THSD7B: variants seen among roughly 807,000 people sequenced by gnomAD.
The protein encoded by THSD7B is thrombospondin type-1 domain-containing protein 7B.
In THSD7B, 138 loss-of-function variants were observed where a neutral mutation model predicts 213.6. The ratio of observed to expected loss-of-function variants is 0.65; its 90% CI spans 0.56 to 0.74. The LOEUF (loss-of-function observed/expected upper bound fraction) is 0.74, where lower values mean the gene tolerates loss of function less well. Ranked by LOEUF, THSD7B falls within the 30% of genes least tolerant of loss-of-function variation. The pLI, the probability that THSD7B is intolerant of heterozygous loss-of-function variation, is 0.00. For missense variants in THSD7B, 1,931 were observed against 1,991.5 expected, an observed-to-expected ratio of 0.97 and a Z score of 0.58; for synonymous variants, 742 against 687.0, an observed-to-expected ratio of 1.08 and a Z score of -1.25.
intron 2 of THSD7B, among the ~76,000 whole-genome samples, chr2:137,025,712 C>T (rs1440973854): frequency 1.3e-5 from 2 of 152,052 alleles, no homozygotes; most frequent in African/African-American, 4.8e-5. Flanking sequence ...ATATTTAGCT[C>T]AGGACTGATA....
At chr2:137,445,647 T>A (rs1687521370) in intron 14 of THSD7B, among the ~76,000 whole-genome samples, 1 of 151,864 alleles carries the variant, frequency 6.6e-6, no homozygotes, top group Non-Finnish European at 1.5e-5. Flanking sequence ...ACAGGTTGAT[T>A]AATGGGTACA....
chr2:137,095,721 T>C (rs1688028216), intron 4 of THSD7B, among the ~76,000 whole-genome samples: 2 of 152,084 alleles, frequency 1.3e-5, no homozygotes, highest in South Asian at 4.1e-4. Context: ...TTTTTTGAGA[T>C]AAAAACTCTT....
intron 14 of THSD7B, among the ~76,000 whole-genome samples, chr2:137,447,991 T>A (rs1191846459): frequency 6.6e-6 from 1 of 151,880 alleles, no homozygotes; most frequent in Non-Finnish European, 1.5e-5. Context: ...ACTGAAGGAG[T>A]CTCATCCATT....
chr2:137,599,478 A>G (rs866232485), intron 17 of THSD7B, among the ~76,000 whole-genome samples: 1 of 151,762 alleles, frequency 6.6e-6, no homozygotes, highest in African/African-American at 2.4e-5. Context: ...TTAAAAAGTC[A>G]GGAAACAACA....
At chr2:137,559,796 A>C (rs1021475508) in intron 15 of THSD7B, among the ~76,000 whole-genome samples, 2 of 152,174 alleles carry the variant, frequency 1.3e-5, no homozygotes, top group Non-Finnish European at 2.9e-5. Flanking sequence ...AATGGGAGAA[A>C]ATTTTTGCAA....
chr2:137,234,787 T>C (rs961168003), intron 9 of THSD7B, among the ~76,000 whole-genome samples: 4 of 152,152 alleles, frequency 2.6e-5, no homozygotes, highest in Admixed American at 1.3e-4. Flanking sequence ...TATGTTTATC[T>C]TTTGCTTCAA....
rs1484640175 is a variant in THSD7B at position 137,663,503 on chromosome 2, G to T, written c.4579G>T (p.Gly1527Trp). ...DKKADVKNLS[G>W]KNRPVNSKIH... ...AAAAGCTGATGTGAAAAACCTTTCT[G>T]GGAAAAACAGACCTGTGAATTCAAA... The change falls in exon 26 of 28, where the codon GGG (glycine) becomes TGG (tryptophan). Residue 1527 changes from glycine to tryptophan, a missense_variant. Physicochemically the swap from Gly to Trp is radical, Grantham distance 184. Transcript: ENST00000409968. 1.2e-6 allele frequency: 2 copies of T among 1,606,526 alleles called. No individual in the cohort carries two copies. The highest frequency in any genetic ancestry group is 1.7e-6 in the Non-Finnish European group (2 of 1,176,020).
chr2:137,283,013 G>A (rs538561710), intron 12 of THSD7B, among the ~76,000 whole-genome samples: 12 of 152,176 alleles, frequency 7.9e-5, no homozygotes, highest in East Asian at 1.9e-4. Context: ...CCATTTTCAC[G>A]ATAATTGATT....
intron 7 of THSD7B, among the ~76,000 whole-genome samples, chr2:137,185,903 T>C (rs1234628198): frequency 1.3e-5 from 2 of 152,198 alleles, no homozygotes; most frequent in African/African-American, 4.8e-5. Flanking sequence ...CCAGCATCTG[T>C]TGTTTTTTGA....
chr2:137,501,607 C>G (rs1679707631), intron 15 of THSD7B, among the ~76,000 whole-genome samples: 1 of 152,146 alleles, frequency 6.6e-6, no homozygotes, highest in South Asian at 2.1e-4. Flanking sequence ...AGGAACCTTA[C>G]CTTAAAGTAG....
chr2:137,468,398 A>G (rs551673330), intron 15 of THSD7B, among the ~76,000 whole-genome samples: 3 of 152,116 alleles, frequency 2.0e-5, no homozygotes, highest in South Asian at 2.1e-4. Context: ...TAGTATGTAC[A>G]TACCCATCTA....
At chr2:137,592,801 C>T (rs1681890350) in intron 17 of THSD7B, among the ~76,000 whole-genome samples, 3 of 151,918 alleles carry the variant, frequency 2.0e-5, no homozygotes, top group Non-Finnish European at 4.4e-5. Context: ...AACCACTAAA[C>T]ACAAAAATAT....
chr2:137,606,206 G>C (rs1040161115), intron 17 of THSD7B, among the ~76,000 whole-genome samples: 1 of 152,122 alleles, frequency 6.6e-6, no homozygotes, highest in Non-Finnish European at 1.5e-5. Context: ...GCAAAGTGGC[G>C]TAGGAGAGTG....
rs572396721 is a variant in THSD7B at position 137,311,442 on chromosome 2, C to T, written c.2500+35416C>T. On this transcript the variant is annotated intron_variant, in intron 12 of 27. Transcript: ENST00000409968. The stretch of plus-strand genomic sequence containing the variant: ...GGGTTTTCTAGTTATACAATCATGT[C>T]GTCTGCAGACAGGGACAATTTGACT... Among the ~76,000 whole-genome samples the T allele has an allele frequency of 7.8e-4, 118 of 152,212 alleles. 1 individual carries two copies. Among genetic ancestry groups the T allele is most frequent in the African/African-American group, 2.7e-3 (113 of 41,560 alleles).
At chr2:136,777,865 T>G (rs1333145974) in intron 1 of THSD7B, among the ~76,000 whole-genome samples, 1 of 152,162 alleles carries the variant, frequency 6.6e-6, no homozygotes, top group African/African-American at 2.4e-5. Flanking sequence ...AGAAACCCTG[T>G]TAACTCTGCA....
At chr2:137,478,913 G>A (rs1478912314) in intron 15 of THSD7B, among the ~76,000 whole-genome samples, 4 of 152,216 alleles carry the variant, frequency 2.6e-5, no homozygotes, top group African/African-American at 9.7e-5. Flanking sequence ...TGACAGGGAT[G>A]TCAAGTAGGC....
chr2:137,389,648 C>A (rs1337401692), intron 12 of THSD7B, among the ~76,000 whole-genome samples: 1 of 151,300 alleles, frequency 6.6e-6, no homozygotes, highest in Non-Finnish European at 1.5e-5. Context: ...TTTGCCTAGA[C>A]CAATGTCCAG....
intron 2 of THSD7B, among the ~76,000 whole-genome samples, chr2:136,897,198 G>C (rs1199649308): frequency 6.6e-6 from 1 of 152,146 alleles, no homozygotes; most frequent in African/African-American, 2.4e-5. Context: ...TTCTCTTAAT[G>C]TGTCCGTAAC....
chr2:136,774,539 A>G (rs945025450), intron 1 of THSD7B, among the ~76,000 whole-genome samples: 17 of 152,122 alleles, frequency 1.1e-4, no homozygotes, highest in Admixed American at 1.0e-3. Flanking sequence ...TTCCTTTGTG[A>G]GTGCAACCTC....
Sources: gnomAD v4.1 joint callset for allele counts (sites outside exome capture counted in the v4.1 genomes callset) on GRCh38, gnomAD v4.1.1 for gene constraint, MANE v1.5 for transcripts, NCBI Gene and HGNC (gene_info 2026-07-23, HGNC 2026-07-21) for gene names.